DCDC2C: variants seen among roughly 807,000 people sequenced by gnomAD.
The protein encoded by DCDC2C is doublecortin domain-containing protein 2C.
Under a neutral mutation model 45.0 loss-of-function variants are expected in DCDC2C, and 44 were observed. That is an observed-to-expected ratio of 0.98 (90% confidence interval 0.77 to 1.26). DCDC2C has a LOEUF of 1.26. Ranked by LOEUF, DCDC2C falls within the 50% of genes most tolerant of loss-of-function variation. DCDC2C has a pLI of 0.00. For missense variants in DCDC2C, 447 were observed against 468.9 expected (o/e 0.95, Z 0.43); for synonymous variants, 187 against 178.8 (o/e 1.05, Z -0.37).
At chr2:3,741,852 A>G (rs994721479) in intron 3 of DCDC2C, 68 bp from the exon 4 acceptor site, 16 of 1,449,540 alleles carry the variant, frequency 1.1e-5, no homozygotes, top group Non-Finnish European at 1.5e-5. Flanking sequence ...TTGTATATAT[A>G]TTGAATTTTC....
intron 2 of DCDC2C, among the ~76,000 whole-genome samples, chr2:3,713,339 A>T (rs563494218): frequency 6.6e-5 from 10 of 152,176 alleles, no homozygotes; most frequent in Admixed American, 5.9e-4. Context: ...CCCAGGGAAA[A>T]CGCGGGGAGC....
intron 2 of DCDC2C, among the ~76,000 whole-genome samples, chr2:3,719,383 C>T (rs1162165497): frequency 6.6e-6 from 1 of 152,226 alleles, no homozygotes; most frequent in African/African-American, 2.4e-5. Flanking sequence ...CCGTGCCCAG[C>T]CAGCTGTTTT....
intron 10 of DCDC2C, among the ~76,000 whole-genome samples, chr2:3,789,607 C>G (rs1021485041): frequency 7.2e-5 from 11 of 152,316 alleles, no homozygotes; most frequent in African/African-American, 2.6e-4. Flanking sequence ...TTTGTGTTTG[C>G]ATTCAAGTTT....
At chr2:3,838,456 G>A (rs12994799) in intron 10 of DCDC2C, among the ~76,000 whole-genome samples, 5 of 67,200 alleles carry the variant, frequency 7.4e-5, no homozygotes, top group Non-Finnish European at 1.1e-4. Context: ...TCATGACAGA[G>A]AGAGAGAGAG....
chr2:3,809,748 C>G (rs987248584), intron 10 of DCDC2C, among the ~76,000 whole-genome samples: 2 of 152,162 alleles, frequency 1.3e-5, no homozygotes, highest in Non-Finnish European at 2.9e-5. Context: ...CCCCTTACCC[C>G]CAACCCCCAA....
chr2:3,767,034 C>T (rs1177023766), intron 6 of DCDC2C, among the ~76,000 whole-genome samples: 1 of 152,252 alleles, frequency 6.6e-6, no homozygotes, highest in Non-Finnish European at 1.5e-5. Context: ...CTTTTCCCGC[C>T]TCCAGGCCAA....
At chr2:3,746,008 A>G (rs1669350122) in intron 4 of DCDC2C, among the ~76,000 whole-genome samples, 1 of 152,088 alleles carries the variant, frequency 6.6e-6, no homozygotes, top group Non-Finnish European at 1.5e-5. Context: ...TAGCTCAGAG[A>G]AATACTTAAG....
At position 3,749,894 on chromosome 2, in the gene DCDC2C, A is replaced by G. The variant is rs187325554; in HGVS notation, c.546-2869A>G. 3.0e-4 allele frequency among the ~76,000 whole-genome samples: 46 copies of G among 152,334 alleles called. No individual in the cohort carries two copies. In the East Asian group the frequency reaches 7.1e-3, roughly 24 times the overall value. On this transcript the variant is annotated intron_variant, in intron 4 of 10. Transcript: ENST00000399143. The stretch of plus-strand genomic sequence containing the variant: ...ATTCCTGCAAGACCCCTGCTGCTGG[A>G]AGGAAAACCCGAAATGCCTTTGGTT...
At chr2:3,757,606 C>T (rs1669757126) in intron 6 of DCDC2C, among the ~76,000 whole-genome samples, 1 of 152,148 alleles carries the variant, frequency 6.6e-6, no homozygotes, top group Non-Finnish European at 1.5e-5. Context: ...GTCCATGAGG[C>T]CGTGGTGAGG....
At position 3,703,579 on chromosome 2, in the gene DCDC2C, C is replaced by CCGTCCAGCCCT. The variant is rs1464404053; in HGVS notation, c.-168_-167insAGCCCTCGTCC. The CCGTCCAGCCCT allele has an allele frequency of 1.5e-5, 9 of 603,190 alleles. No homozygotes were observed. The African/African-American group carries it at 1.5e-4, about 10-fold the overall frequency. The allele number at this position is 603,190 out of a possible 1,614,324, so 37.4% of individuals were successfully genotyped here. A position where few individuals can be genotyped will look rare whatever the true frequency, so the allele number is the denominator to read the frequency against. ...CGCAGCCTCCGCCCGCCTGGCAGCCCCGTCCCGTCCCCGTCCAGCCCCCGT... is the reference window on the plus strand; with the variant it reads ...CGCAGCCTCCGCCCGCCTGGCAGCCCCGTCCAGCCCTCGTCCCGTCCCCGTCCAGCCCCCGT... On this transcript the variant is annotated 5_prime_UTR_variant, in exon 1 of 11. Transcript: ENST00000399143. This position sits in a 1 kb window ranked among gnomAD's most constrained non-coding sequence, Gnocchi z 4.4.
intron 10 of DCDC2C, among the ~76,000 whole-genome samples, chr2:3,817,147 C>A (rs1456162865): frequency 6.6e-6 from 1 of 152,204 alleles, no homozygotes; most frequent in African/African-American, 2.4e-5. Flanking sequence ...GAAGTTGGAA[C>A]ACTAGCTGCA....
At chr2:3,728,379 GAC>G (rs763024526) in intron 3 of DCDC2C, among the ~76,000 whole-genome samples, 4 of 152,128 alleles carry the variant, frequency 2.6e-5, no homozygotes, top group Non-Finnish European at 4.4e-5. Flanking sequence ...GAAATAATAA[GAC>G]ACAGTATTTC....
intron 3 of DCDC2C, among the ~76,000 whole-genome samples, chr2:3,738,701 G>C (rs1669103722): frequency 6.6e-6 from 1 of 152,148 alleles, no homozygotes; most frequent in East Asian, 1.9e-4. Flanking sequence ...TGCATGCACT[G>C]TTGTGTACCT....
intron 10 of DCDC2C, among the ~76,000 whole-genome samples, chr2:3,831,621 A>T (rs904369794): frequency 6.6e-6 from 1 of 152,220 alleles, no homozygotes; most frequent in African/African-American, 2.4e-5. Context: ...ATCATTTAAG[A>T]ATGCTTGAAA....
intron 10 of DCDC2C, among the ~76,000 whole-genome samples, chr2:3,805,163 G>A (rs912967933): frequency 3.9e-5 from 6 of 152,190 alleles, no homozygotes; most frequent in African/African-American, 1.4e-4. Context: ...AAGGCAGTGT[G>A]GTCAAGAGAA....
At chr2:3,706,019 G>GA (rs1668056876) in intron 1 of DCDC2C, among the ~76,000 whole-genome samples, 1 of 151,880 alleles carries the variant, frequency 6.6e-6, no homozygotes, top group African/African-American at 2.4e-5. Flanking sequence ...CTTTTCTTCA[G>GA]TTTTTTTTAG....
intron 10 of DCDC2C, among the ~76,000 whole-genome samples, chr2:3,838,532 A>C (rs1401113776): frequency 6.6e-6 from 1 of 151,852 alleles, no homozygotes; most frequent in Non-Finnish European, 1.5e-5. Context: ...TGTGGCCTGA[A>C]GCTCAGTAGA....
intron 8 of DCDC2C, among the ~76,000 whole-genome samples, chr2:3,775,066 G>A (rs1479431269): frequency 6.7e-6 from 1 of 148,722 alleles, no homozygotes; most frequent in Non-Finnish European, 1.5e-5. Flanking sequence ...CGCCTGGCTG[G>A]ATGTTTTTTT....
At chr2:3,753,524 G>T (rs1460955285) in intron 5 of DCDC2C, among the ~76,000 whole-genome samples, 1 of 152,124 alleles carries the variant, frequency 6.6e-6, no homozygotes, top group South Asian at 2.1e-4. Context: ...ATGACTTGAG[G>T]GCTTACTAGG....
Sources: allele counts gnomAD v4.1 joint callset (sites outside exome capture counted in the v4.1 genomes callset), GRCh38; gene constraint gnomAD v4.1.1; non-coding constraint Gnocchi (gnomAD v3.1); transcripts MANE v1.5; gene names NCBI Gene and HGNC (gene_info 2026-07-23, HGNC 2026-07-21).